Variants in CPAMD8 observed in about 807,000 individuals in gnomAD.
CPAMD8 encodes the protein C3 and PZP-like alpha-2-macroglobulin domain-containing protein 8.
In CPAMD8, 146 loss-of-function variants were observed where a neutral mutation model predicts 224.7. That is an observed-to-expected ratio of 0.65 (90% confidence interval 0.57 to 0.75). The LOEUF is 0.75. Ranked by LOEUF, CPAMD8 falls within the 30% of genes least tolerant of loss-of-function variation. The pLI is 0.00. For missense variants in CPAMD8, 2,301 were observed against 2,537.5 expected (o/e 0.91, Z 2.00); for synonymous variants, 966 against 1,044.6 (o/e 0.92, Z 1.45).
At chr19:16,959,567 GTCTC>G (rs1307295524) in intron 18 of CPAMD8, among the ~76,000 whole-genome samples, 1 of 150,254 alleles carries the variant, frequency 6.7e-6, no homozygotes, top group Non-Finnish European at 1.5e-5. Flanking sequence ...TCGAGATGGA[GTCTC>G]TCTCTGTTGC....
intron 12 of CPAMD8, among the ~76,000 whole-genome samples, chr19:16,993,037 A>G (rs1193934869): frequency 6.6e-6 from 1 of 152,112 alleles, no homozygotes; most frequent in African/African-American, 2.4e-5. Flanking sequence ...ATCTCTTTCC[A>G]AAATGGCTCA....
chr19:17,025,566 G>A (rs1258713183), intron 1 of CPAMD8, among the ~76,000 whole-genome samples: 1 of 152,164 alleles, frequency 6.6e-6, no homozygotes, highest in East Asian at 1.9e-4. Context: ...CTGTTTACCA[G>A]CATTCCTGGC....
chr19:16,997,575 G>A (rs1338685617), intron 10 of CPAMD8, among the ~76,000 whole-genome samples: 2 of 152,166 alleles, frequency 1.3e-5, no homozygotes, highest in Non-Finnish European at 2.9e-5. Context: ...AAGAGGCTGG[G>A]TGCGGTGGCT....
At chr19:17,011,050 C>T (rs181945061) in intron 5 of CPAMD8, among the ~76,000 whole-genome samples, 4 of 151,882 alleles carry the variant, frequency 2.6e-5, no homozygotes, top group Admixed American at 2.6e-4. Flanking sequence ...AAAAATCAGC[C>T]GGGCGTGGTG....
intron 19 of CPAMD8, among the ~76,000 whole-genome samples, chr19:16,954,339 AAAAAAAAAG>A (rs1347232211): frequency 1.3e-5 from 2 of 152,006 alleles, no homozygotes; most frequent in South Asian, 4.2e-4. Flanking sequence ...TCTCAAAAAA[AAAAAAAAAG>A]AAAAGAAAGA....
At chr19:16,934,939 ACT>A (rs1158371668) in intron 23 of CPAMD8, among the ~76,000 whole-genome samples, 1 of 152,000 alleles carries the variant, frequency 6.6e-6, no homozygotes, top group African/African-American at 2.4e-5. Flanking sequence ...TAAAACTGTA[ACT>A]CTGCACCCAT....
intron 3 of CPAMD8, among the ~76,000 whole-genome samples, chr19:17,013,915 AT>A (rs1424945300): frequency 7.0e-6 from 1 of 142,040 alleles, no homozygotes. Flanking sequence ...TTCACTACAC[AT>A]TCCCTCCCTC....
Position 16,963,496 on chromosome 19 carries a change from TCCTA to T in CPAMD8, c.2214-5585_2214-5582del, listed in dbSNP as rs1460467301. On this transcript the variant is annotated intron_variant, in intron 18 of 41. Transcript: ENST00000443236. ...TCAATTCAACAAGAAGAGCTAACTA[TCCTA>T]AATGTATATGCATGCAATACAGGAG... 2.6e-5 allele frequency among the ~76,000 whole-genome samples: 4 copies of T among 152,174 alleles called. No individual in the cohort carries two copies. In the South Asian group the frequency reaches 8.3e-4, roughly 31 times the overall value.
chr19:17,005,986 A>T (rs2056481547), intron 7 of CPAMD8, among the ~76,000 whole-genome samples: 1 of 151,260 alleles, frequency 6.6e-6, no homozygotes, highest in Non-Finnish European at 1.5e-5. Context: ...TTTTTTTGAG[A>T]CAGAGTCTTG....
chr19:16,957,122 T>C lies in CPAMD8; in HGVS notation c.2276+731A>G, dbSNP rs151129033. ...GAACTGGATGTGTTCTGATCAGCAGTCAAACCTTCCCACGATGAGGACATA... is the reference window on the plus strand; with the variant it reads ...GAACTGGATGTGTTCTGATCAGCAGCCAAACCTTCCCACGATGAGGACATA... On this transcript the variant is annotated intron_variant, in intron 19 of 41. Transcript: ENST00000443236. Among the ~76,000 whole-genome samples the C allele has an allele frequency of 5.2e-3, 794 of 152,288 alleles. 10 individuals are homozygous for C. Among genetic ancestry groups the C allele is most frequent in the South Asian group, 0.015 (74 of 4,816 alleles).
chr19:16,939,981 C>T (rs1050721505), intron 22 of CPAMD8, among the ~76,000 whole-genome samples: 1 of 151,866 alleles, frequency 6.6e-6, no homozygotes, highest in Non-Finnish European at 1.5e-5. Flanking sequence ...GGCGCGATCT[C>T]GGTTCACTAC....
chr19:16,977,588 C>T (rs1427523468), intron 14 of CPAMD8, 48 bp from the exon 15 acceptor site: 2 of 1,428,954 alleles, frequency 1.4e-6, no homozygotes, highest in East Asian at 2.4e-5. Context: ...CCGCATCCGA[C>T]ATGCAACCTC....
chr19:16,950,979 G>A (rs1482747786), intron 20 of CPAMD8, among the ~76,000 whole-genome samples: 2 of 152,004 alleles, frequency 1.3e-5, no homozygotes, highest in Non-Finnish European at 2.9e-5. Flanking sequence ...CTAGCCCAAG[G>A]AGACTAGGAC....
chr19:16,960,859 C>T (rs1198130463), intron 18 of CPAMD8, among the ~76,000 whole-genome samples: 1 of 151,390 alleles, frequency 6.6e-6, no homozygotes, highest in African/African-American at 2.4e-5. Context: ...CATCACTGCA[C>T]TCCAGCATGG....
At chr19:16,906,485 C>G (rs1249145930) in intron 30 of CPAMD8, among the ~76,000 whole-genome samples, 1 of 150,384 alleles carries the variant, frequency 6.6e-6, no homozygotes, top group East Asian at 2.0e-4. Flanking sequence ...CTCACTGCAA[C>G]CTCTGCCTCC....
intron 6 of CPAMD8, 129 bp downstream of exon 6, chr19:17,009,174 G>T: frequency 6.6e-7 from 1 of 1,519,356 alleles, no homozygotes; most frequent in Non-Finnish European, 9.1e-7. Flanking sequence ...GAAGAGGCCA[G>T]GTCCCAGCCT....
Position 16,921,959 on chromosome 19 carries a change from C to T in CPAMD8, c.3575G>A (p.Arg1192His), listed in dbSNP as rs371395530. ...AAACGCGCTGTAGGAGCCATCCTGG[C>T]GCTTGTAGGTCAGCTGGCGCTGGTA... is the stretch of plus-strand genomic sequence containing the variant. ...QGYQRQLTYK[R>H]QDGSYSAFGE... The change falls in exon 27 of 42, where the codon CGC (arginine) becomes CAC (histidine). Residue 1192 changes from arginine (R) to histidine (H), a missense_variant. By Grantham distance (29) the Arg-to-His change is conservative (BLOSUM62 0). This residue lies in a region of CPAMD8 where 1,709 missense variants were observed against 1,753.2 expected (regional missense o/e 0.97). Transcript: ENST00000443236. 53 of 1,548,050 alleles carry T rather than the reference C, an allele frequency of 3.4e-5. No homozygotes were observed. Among genetic ancestry groups the T allele is most frequent in the Middle Eastern group, 3.4e-4 (2 of 5,962 alleles).
chr19:16,980,071 G>A (rs2055453451), intron 14 of CPAMD8, among the ~76,000 whole-genome samples: 1 of 152,134 alleles, frequency 6.6e-6, no homozygotes. Flanking sequence ...CTCAAGTTGG[G>A]GACCCTGTAT....
chr19:16,908,392 G>A (rs1188744803), intron 29 of CPAMD8, among the ~76,000 whole-genome samples: 1 of 150,500 alleles, frequency 6.6e-6, no homozygotes, highest in African/African-American at 2.4e-5. Flanking sequence ...GAAATAAAAA[G>A]CTGGCTCCTA....
Sources: gnomAD v4.1 joint callset for allele counts (sites outside exome capture counted in the v4.1 genomes callset) on GRCh38, gnomAD v4.1.1 for gene constraint, gnomAD v4.1.1 regional missense constraint, MANE v1.5 for transcripts, NCBI Gene and HGNC (gene_info 2026-07-23, HGNC 2026-07-21) for gene names.